Variants in SENP7 observed in about 807,000 individuals in gnomAD.
SENP7 encodes sentrin-specific protease 7.
In SENP7, 64 loss-of-function variants were observed where a neutral mutation model predicts 141.2. The ratio of observed to expected loss-of-function variants is 0.45; its 90% CI spans 0.37 to 0.56. The LOEUF (loss-of-function observed/expected upper bound fraction) is 0.56. Ranked by LOEUF, SENP7 falls within the 20% of genes least tolerant of loss-of-function variation. SENP7 has a pLI of 0.00. For synonymous variants in SENP7, 382 were observed against 426.4 expected, an observed-to-expected ratio of 0.90 and a Z score of 1.28; for missense variants, 1,025 against 1,212.2, an observed-to-expected ratio of 0.85 and a Z score of 2.29.
intron 11 of SENP7, 39 bp from the exon 12 acceptor site, chr3:101,351,690 T>A (rs1271080836): frequency 7.8e-6 from 10 of 1,287,204 alleles, no homozygotes; most frequent in Non-Finnish European, 1.0e-5. Context: ...GAGTTACCAC[T>A]CAAAATGTGT....
At chr3:101,330,311 C>A in intron 20 of SENP7, 23 bp downstream of exon 20, 1 of 1,561,900 alleles carries the variant, frequency 6.4e-7, no homozygotes. Context: ...TCCTTCCTTC[C>A]CATCTGTAAA....
chr3:101,362,901 T>C (rs932275543), intron 10 of SENP7, among the ~76,000 whole-genome samples: 12 of 152,358 alleles, frequency 7.9e-5, no homozygotes, highest in Non-Finnish European at 1.5e-4. Flanking sequence ...TCTTTCCCAC[T>C]GTTTCTTCTG....
intron 3 of SENP7, among the ~76,000 whole-genome samples, chr3:101,491,813 CG>C (rs1559905330): frequency 6.6e-6 from 1 of 152,182 alleles, no homozygotes; most frequent in Non-Finnish European, 1.5e-5. Context: ...AATAGGAGGT[CG>C]GGCACGGTGC....
At chr3:101,376,622 T>C (rs566242066) in intron 6 of SENP7, among the ~76,000 whole-genome samples, 57 of 144,892 alleles carry the variant, frequency 3.9e-4, no homozygotes, top group African/African-American at 1.4e-3. Context: ...TATCACACTC[T>C]GGGGACTGTT....
intron 12 of SENP7, among the ~76,000 whole-genome samples, chr3:101,349,695 T>C (rs893757305): frequency 3.3e-5 from 5 of 152,076 alleles, no homozygotes; most frequent in Admixed American, 1.3e-4. Flanking sequence ...AATAATAATT[T>C]AAAAAAAGAT....
Position 101,501,089 on chromosome 3 carries a change from G to A in SENP7, c.71C>T (p.Ser24Leu), listed in dbSNP as rs1474467344. The A allele has an allele frequency of 6.2e-7, 1 of 1,606,260 alleles. No individual in the cohort carries two copies. Among genetic ancestry groups the A allele is most frequent in the Non-Finnish European group, 8.5e-7 (1 of 1,175,892 alleles). The change falls in exon 2 of 24, where the codon TCA becomes TTA. Residue 24 changes from serine to leucine, a missense_variant. Physicochemically the swap from Ser to Leu is moderately radical, Grantham distance 145. This residue lies in a region of SENP7 where 496 missense variants were observed against 503.5 expected (regional missense o/e 0.99). Coordinates refer to ENST00000394095, the MANE Select transcript of SENP7 (RefSeq NM_020654.5). ...GCATACCTCCGATAAATCAGAAGATGACTTTTTCCTTTTTCCTTCTGTGAT... is the reference window on the plus strand; with the variant it reads ...GCATACCTCCGATAAATCAGAAGATAACTTTTTCCTTTTTCCTTCTGTGAT... ...EIITEGKRKK[S>L]SSDLSEIRKM...
intron 4 of SENP7, among the ~76,000 whole-genome samples, chr3:101,455,832 C>T (rs1344810989): frequency 6.6e-6 from 1 of 152,128 alleles, no homozygotes; most frequent in Non-Finnish European, 1.5e-5. Flanking sequence ...ATGTTCTATC[C>T]CACCTTAGTT....
intron 6 of SENP7, among the ~76,000 whole-genome samples, chr3:101,380,490 A>T (rs1051815841): frequency 6.6e-6 from 1 of 151,402 alleles, no homozygotes; most frequent in African/African-American, 2.4e-5. Flanking sequence ...TTAAAATACA[A>T]GAATGGGTGG....
intron 4 of SENP7, among the ~76,000 whole-genome samples, chr3:101,452,965 A>G (rs1320503401): frequency 6.6e-6 from 1 of 152,224 alleles, no homozygotes; most frequent in Non-Finnish European, 1.5e-5. Context: ...CAACCTACTC[A>G]TCTGACAGAG....
At chr3:101,492,785 G>A (rs2065015801) in intron 3 of SENP7, among the ~76,000 whole-genome samples, 1 of 152,108 alleles carries the variant, frequency 6.6e-6, no homozygotes, top group Non-Finnish European at 1.5e-5. Context: ...ACTTCTTAAG[G>A]CCAGAAGTTC....
intron 3 of SENP7, among the ~76,000 whole-genome samples, chr3:101,490,176 A>C (rs1229633416): frequency 6.6e-6 from 1 of 150,796 alleles, no homozygotes; most frequent in Non-Finnish European, 1.5e-5. Flanking sequence ...CAAGGGGGAA[A>C]CTCCGTCTCA....
intron 4 of SENP7, among the ~76,000 whole-genome samples, chr3:101,449,699 T>TACA: frequency 6.6e-6 from 1 of 152,244 alleles, no homozygotes; most frequent in Admixed American, 6.5e-5. Context: ...AGGCCTGCCC[T>TACA]ACAACAGCTC....
At chr3:101,478,766 C>G (rs1374667394) in intron 3 of SENP7, among the ~76,000 whole-genome samples, 2 of 152,088 alleles carry the variant, frequency 1.3e-5, no homozygotes, top group Non-Finnish European at 2.9e-5. Context: ...CAGCCAATAT[C>G]CCTTATGAAA....
In SENP7 at chr3:101,398,912, A is replaced by G. The variant is rs1333561388; in HGVS notation, c.626T>C (p.Leu209Pro). The G allele has an allele frequency of 1.9e-6, 3 of 1,612,032 alleles. No individual in the cohort carries two copies. ...AGGGTTTAGATTTTGATAAGATTCTAGGCTGCCATCAGATGATGAAGAAAG... is the reference window on the plus strand; with the variant it reads ...AGGGTTTAGATTTTGATAAGATTCTGGGCTGCCATCAGATGATGAAGAAAG... ...EQLSSSSDGS[L>P]ESYQNLNPHK... The change falls in exon 6 of 24, where the codon CTA (leucine) becomes CCA (proline). Residue 209 changes from leucine (L) to proline (P), a missense_variant. Physicochemically the swap from Leu to Pro is moderately conservative, Grantham distance 98 (BLOSUM62 -3). Coordinates refer to ENST00000394095, the MANE Select transcript of SENP7 (RefSeq NM_020654.5).
chr3:101,453,211 AAAC>A (rs756619953), intron 4 of SENP7, among the ~76,000 whole-genome samples: 1 of 152,214 alleles, frequency 6.6e-6, no homozygotes, highest in Non-Finnish European at 1.5e-5. Flanking sequence ...AAAAGTCAGG[AAAC>A]AACAGGTGCT....
intron 3 of SENP7, among the ~76,000 whole-genome samples, chr3:101,463,370 T>TATATATATATATATATATATAC (rs2063623605): frequency 2.4e-5 from 2 of 83,648 alleles, no homozygotes; most frequent in African/African-American, 5.5e-5. Context: ...AATAAATATA[T>TATATATATATATATATATATAC]ATATATATAT....
At chr3:101,497,633 A>C (rs1351308982) in intron 2 of SENP7, among the ~76,000 whole-genome samples, 1 of 152,228 alleles carries the variant, frequency 6.6e-6, no homozygotes, top group Non-Finnish European at 1.5e-5. Context: ...AACTCATAGA[A>C]TAAACTAAAT....
chr3:101,465,276 C>T lies in SENP7; in HGVS notation c.187-6224G>A, dbSNP rs2063724184. ...GCTCAGACACATGCCTTCCAAAAAC[C>T]TGAGGACAAGCCAACTCCACCTATA... On this transcript the variant is annotated intron_variant, in intron 3 of 23. Coordinates refer to ENST00000394095, the MANE Select transcript of SENP7 (RefSeq NM_020654.5). Among the ~76,000 whole-genome samples the T allele has an allele frequency of 2.0e-5, 3 of 152,174 alleles. No individual in the cohort carries two copies. In the South Asian group the frequency reaches 6.2e-4, roughly 32 times the overall value.
chr3:101,357,517 C>T, intron 11 of SENP7: 1 of 1,412,408 alleles, frequency 7.1e-7, no homozygotes, highest in South Asian at 1.4e-5. Context: ...CAGAGCAGAG[C>T]ATAAAAGATT....
Sources: gnomAD v4.1 joint callset for allele counts (sites outside exome capture counted in the v4.1 genomes callset) on GRCh38, gnomAD v4.1.1 for gene constraint, gnomAD v4.1.1 regional missense constraint, MANE v1.5 for transcripts, NCBI Gene and HGNC (gene_info 2026-07-23, HGNC 2026-07-21) for gene names.